Variants in ZNF569 observed in about 807,000 individuals in gnomAD.
ZNF569 encodes DNA-binding protein.
In ZNF569, 38 loss-of-function variants were observed where a neutral mutation model predicts 56.3. The observed-to-expected ratio is 0.68, with a 90% CI of 0.52 to 0.88. The LOEUF (loss-of-function observed/expected upper bound fraction) is 0.88, where lower values mean the gene tolerates loss of function less well. ZNF569 is among the 40% of genes least tolerant of loss of function. ZNF569 has a pLI of 0.00. For synonymous variants in ZNF569, 241 were observed against 262.9 expected (o/e 0.92, Z 0.81); for missense variants, 666 against 809.2 (o/e 0.82, Z 2.15).
At chr19:37,455,922 G>T (rs774216457) in intron 2 of ZNF569, among the ~76,000 whole-genome samples, 2 of 152,178 alleles carry the variant, frequency 1.3e-5, no homozygotes, top group Admixed American at 6.5e-5. Flanking sequence ...GCCAAAGCCA[G>T]TTGCAACTAC....
chr19:37,455,688 C>T (rs1223902511), intron 2 of ZNF569, among the ~76,000 whole-genome samples: 1 of 152,140 alleles, frequency 6.6e-6, no homozygotes, highest in African/African-American at 2.4e-5. Flanking sequence ...TTCTCCCCCA[C>T]CCCCAACTCT....
chr19:37,425,704 A>G (rs1215927326), intron 5 of ZNF569, 164 bp downstream of exon 5: 3 of 543,376 alleles, frequency 5.5e-6, no homozygotes, highest in African/African-American at 3.8e-5. Context: ...GACTCAAGCA[A>G]TCCTTCCACC....
chr19:37,462,509 G>A (rs1178511494), intron 2 of ZNF569, among the ~76,000 whole-genome samples: 1 of 151,644 alleles, frequency 6.6e-6, no homozygotes, highest in East Asian at 1.9e-4. Flanking sequence ...AAATTCCACG[G>A]ACACTGCTTT....
intron 3 of ZNF569, among the ~76,000 whole-genome samples, chr19:37,438,570 C>G (rs1326072823): frequency 6.6e-6 from 1 of 152,072 alleles, no homozygotes; most frequent in Non-Finnish European, 1.5e-5. Context: ...TGAAACCAGA[C>G]CCCTATCTCT....
intron 3 of ZNF569, chr19:37,427,909 AAGAACATGAG>A (rs2041162392): frequency 4.6e-6 from 2 of 432,558 alleles, no homozygotes; most frequent in Non-Finnish European, 9.4e-6. Flanking sequence ...AATTACAGGG[AAGAACATGAG>A]CACATAAGAA....
chr19:37,427,387 T>C (rs996195087), intron 3 of ZNF569, among the ~76,000 whole-genome samples: 9 of 151,900 alleles, frequency 5.9e-5, no homozygotes, highest in Non-Finnish European at 8.8e-5. Context: ...GATTTGAATA[T>C]AGAAATCTAA....
chr19:37,464,804 T>A (rs1395069928), intron 2 of ZNF569, among the ~76,000 whole-genome samples: 5 of 152,214 alleles, frequency 3.3e-5, no homozygotes, highest in Admixed American at 3.3e-4. Context: ...TCCCTTGACC[T>A]CCCTGCTCTT....
intron 2 of ZNF569, among the ~76,000 whole-genome samples, chr19:37,446,808 A>G (rs1263176057): frequency 3.3e-5 from 5 of 152,140 alleles, no homozygotes; most frequent in Non-Finnish European, 5.9e-5. Context: ...CAAAATAATC[A>G]GCAAAGTAAA....
intron 5 of ZNF569, among the ~76,000 whole-genome samples, chr19:37,414,698 G>A (rs1184349472): frequency 6.6e-6 from 1 of 151,954 alleles, no homozygotes; most frequent in African/African-American, 2.4e-5. Context: ...AAATAAATAG[G>A]AAATGCAGAA....
Position 37,412,425 on chromosome 19 carries a change from A to G in ZNF569, c.*172T>C, listed in dbSNP as rs989035701. The G allele has an allele frequency of 3.9e-5, 47 of 1,197,034 alleles. No individual in the cohort carries two copies. The highest frequency in any genetic ancestry group is 5.1e-5 in the Non-Finnish European group (47 of 929,328). 74.2% of individuals were successfully genotyped at this position (1,197,034 alleles called of 1,614,324 possible). ...GAAAGTTTCTGGTAACAGCTTTTTC[A>G]TTATATAATTTGTCACCTTGGAAGA... is the stretch of plus-strand genomic sequence containing the variant. On this transcript the variant is annotated 3_prime_UTR_variant, in exon 6 of 6. Coordinates refer to ENST00000316950, the MANE Select transcript of ZNF569 (RefSeq NM_152484.3).
At chr19:37,427,242 G>C (rs950382691) in intron 3 of ZNF569, among the ~76,000 whole-genome samples, 1 of 151,962 alleles carries the variant, frequency 6.6e-6, no homozygotes, top group Non-Finnish European at 1.5e-5. Flanking sequence ...GCTTGAGCCC[G>C]GGAGGTGGAG....
rs769474374 is a variant in ZNF569 at position 37,413,326 on chromosome 19, C to A, written c.1332G>T (p.Gly444=). 2 of 1,606,926 alleles carry A rather than the reference C, an allele frequency of 1.2e-6. No homozygotes were observed. The highest frequency in any genetic ancestry group is 2.2e-5 in the South Asian group (2 of 89,780). The change falls in exon 6 of 6, where the codon GGG becomes GGT. Residue 444 remains glycine (G), a synonymous_variant. Coordinates refer to ENST00000316950, the MANE Select transcript of ZNF569 (RefSeq NM_152484.3). ...GATTTGACATCTGTATAAAAGCTTT[C>A]CCACATTCATTACACTCATAAGGTT... The part of the protein sequence containing the change: ...REKPYECNEC[G]KAFIQMSNLV...
In ZNF569 at chr19:37,413,257, T is replaced by A. The variant is rs760789624; in HGVS notation, c.1401A>T (p.Ile467=). The A allele has an allele frequency of 1.9e-6, 3 of 1,611,488 alleles. No homozygotes were observed. The South Asian group carries it at 3.3e-5, about 18-fold the overall frequency. The part of the protein sequence containing the change: ...QRIHTGEKPY[I]CKECGKAFSQ... ...TAAAGGCTTTCCCACATTCCTTACA[T>A]ATATAGGGTTTTTCCCCAGTATGAA... is the stretch of plus-strand genomic sequence containing the variant. Residue 467 remains isoleucine (I), a synonymous_variant, in exon 6 of 6, where the codon ATA becomes ATT. Coordinates refer to ENST00000316950, the MANE Select transcript of ZNF569 (RefSeq NM_152484.3).
chr19:37,425,784 A>G, intron 5 of ZNF569, 84 bp downstream of exon 5: 1 of 1,130,810 alleles, frequency 8.8e-7, no homozygotes, highest in Non-Finnish European at 1.3e-6. Flanking sequence ...TCTTTGAAGA[A>G]TATTTTAGAG....
intron 1 of ZNF569, chr19:37,466,876 G>A (rs953179077): frequency 1.2e-4 from 19 of 152,444 alleles, no homozygotes; most frequent in African/African-American, 4.6e-4. Flanking sequence ...CACTCAGCCA[G>A]ACGAATGTCT....
chr19:37,454,611 C>T (rs559229189), intron 2 of ZNF569, among the ~76,000 whole-genome samples: 1 of 152,206 alleles, frequency 6.6e-6, no homozygotes, highest in South Asian at 2.1e-4. Context: ...TGGGTTTGGG[C>T]TGCTGTTGCC....
upstream of ZNF569, chr19:37,468,095 T>C (rs923116650): frequency 3.2e-6 from 2 of 634,360 alleles, no homozygotes; most frequent in East Asian, 2.9e-5. Flanking sequence ...GTTTGTTTTG[T>C]TTTTTTTGAG....
At chr19:37,420,733 G>A (rs566125933) in intron 5 of ZNF569, among the ~76,000 whole-genome samples, 1 of 152,028 alleles carries the variant, frequency 6.6e-6, no homozygotes, top group South Asian at 2.1e-4. Flanking sequence ...TTGATATTCT[G>A]ATCTCCTCTC....
At chr19:37,419,321 A>G (rs148619539) in intron 5 of ZNF569, among the ~76,000 whole-genome samples, 33 of 152,364 alleles carry the variant, frequency 2.2e-4, no homozygotes, top group African/African-American at 6.7e-4. Context: ...CTACAAATCA[A>G]TAATTCAAAA....
Sources: allele counts gnomAD v4.1 joint callset (sites outside exome capture counted in the v4.1 genomes callset), GRCh38; gene constraint gnomAD v4.1.1; transcripts MANE v1.5; gene names NCBI Gene and HGNC (gene_info 2026-07-23, HGNC 2026-07-21).